The following ERBB4 variants were observed in gnomAD, a reference collection of about 807,000 sequenced individuals.
ERBB4 encodes erb-b2 receptor tyrosine kinase 4, also known as receptor tyrosine-protein kinase erbB-4.
A neutral mutation model predicts 158.0 loss-of-function variants in ERBB4; 42 were observed. That is an observed-to-expected ratio of 0.27 (90% CI 0.21 to 0.34). The LOEUF is 0.34. ERBB4 is among the 10% of genes least tolerant of loss of function. ERBB4 has a pLI of 1.00. For missense variants in ERBB4, 1,333 were observed against 1,624.1 expected, an observed-to-expected ratio of 0.82 and a Z score of 3.08; for synonymous variants, 583 against 558.7, an observed-to-expected ratio of 1.04 and a Z score of -0.61.
At chr2:212,434,567 T>C (rs1159394392) in intron 1 of ERBB4, among the ~76,000 whole-genome samples, 2 of 151,878 alleles carry the variant, frequency 1.3e-5, no homozygotes, top group African/African-American at 4.8e-5. Context: ...CGACTTGGAA[T>C]CCACAGAGTC....
intron 4 of ERBB4, among the ~76,000 whole-genome samples, chr2:211,773,627 T>TATATATATATATATA (rs2075783666): frequency 1.9e-5 from 1 of 52,302 alleles, no homozygotes. Context: ...TATATATATA[T>TATATATATATATATA]ATATATATAT....
chr2:212,296,273 C>G (rs879368941), intron 1 of ERBB4, among the ~76,000 whole-genome samples: 22 of 151,814 alleles, frequency 1.4e-4, no homozygotes, highest in Non-Finnish European at 3.1e-4. Context: ...CAGCTTTCTA[C>G]TAATTTCTAT....
chr2:211,457,582 C>T (rs977164061), intron 20 of ERBB4, among the ~76,000 whole-genome samples: 2 of 152,128 alleles, frequency 1.3e-5, no homozygotes, highest in African/African-American at 2.4e-5. Flanking sequence ...AGGGCTGAGG[C>T]CTTCACTTGA....
chr2:212,221,112 G>T (rs1040224327), intron 1 of ERBB4, among the ~76,000 whole-genome samples: 11 of 151,264 alleles, frequency 7.3e-5, no homozygotes, highest in Admixed American at 1.3e-4. Flanking sequence ...TGAAACAGGG[G>T]GTGGTTTTTG....
chr2:211,620,146 G>A (rs1028560223), intron 18 of ERBB4, among the ~76,000 whole-genome samples: 4 of 152,156 alleles, frequency 2.6e-5, no homozygotes, highest in Admixed American at 2.0e-4. Context: ...TGCACAGGTT[G>A]TACAAGAATA....
Position 211,946,806 on chromosome 2 carries a change from A to G in ERBB4, c.421+624T>C, listed in dbSNP as rs553917473. Among the ~76,000 whole-genome samples the G allele has an allele frequency of 1.1e-4, 17 of 151,984 alleles. No individual in the cohort carries two copies. In the East Asian group the frequency reaches 3.3e-3, roughly 29 times the overall value. The stretch of plus-strand genomic sequence containing the variant: ...AGTGGGATAGCAAGAACCAGCTTAC[A>G]AAATAAATTCCTATCGAGTGTTTTT... On this transcript the variant is annotated intron_variant, in intron 3 of 27. Coordinates refer to ENST00000342788, the MANE Select transcript of ERBB4 (RefSeq NM_005235.3).
chr2:212,467,117 G>C (rs112919157), intron 1 of ERBB4, among the ~76,000 whole-genome samples: 12,836 of 152,228 alleles, frequency 0.084, 601 homozygotes, highest in South Asian at 0.11. Flanking sequence ...CTTGGGTGTT[G>C]TCAAGGGCAT....
intron 20 of ERBB4, among the ~76,000 whole-genome samples, chr2:211,434,007 T>C (rs1199341297): frequency 6.6e-6 from 1 of 152,188 alleles, no homozygotes; most frequent in African/African-American, 2.4e-5. Context: ...AAGAGGATAA[T>C]ATCAAGGAAT....
At position 212,178,561 on chromosome 2, in the gene ERBB4, G is replaced by A. The variant is rs544192415; in HGVS notation, c.83-53658C>T. ...CATCCTCTTAAATACATATGTATTA[G>A]AGGTAGTACTGAAAACCCTAAACTC... On this transcript the variant is annotated intron_variant, in intron 1 of 27. Coordinates refer to ENST00000342788, the MANE Select transcript of ERBB4 (RefSeq NM_005235.3). Among the ~76,000 whole-genome samples, 4 of 151,798 alleles carry A rather than the reference G, an allele frequency of 2.6e-5. No individual in the cohort carries two copies. The Middle Eastern group carries it at 0.014, about 516-fold the overall frequency.
chr2:212,132,837 G>T (rs567865296), intron 1 of ERBB4, among the ~76,000 whole-genome samples: 1 of 152,106 alleles, frequency 6.6e-6, no homozygotes, highest in Middle Eastern at 3.4e-3. Context: ...GTATATATAT[G>T]CTATCTGTGC....
At chr2:211,877,366 A>C (rs1446439196) in intron 3 of ERBB4, among the ~76,000 whole-genome samples, 1 of 152,144 alleles carries the variant, frequency 6.6e-6, no homozygotes, top group Admixed American at 6.6e-5. Flanking sequence ...TTTACTTGAG[A>C]AAGAAATATA....
At chr2:211,943,679 T>TC (rs779513450) in intron 3 of ERBB4, among the ~76,000 whole-genome samples, 2 of 152,104 alleles carry the variant, frequency 1.3e-5, no homozygotes, top group Admixed American at 6.6e-5. Flanking sequence ...CTACTTATCA[T>TC]CTACCCTGTG....
intron 3 of ERBB4, among the ~76,000 whole-genome samples, chr2:211,856,562 T>TA (rs2077869851): frequency 1.3e-5 from 2 of 149,790 alleles, no homozygotes; most frequent in East Asian, 2.0e-4. Flanking sequence ...ATTTTTTTTT[T>TA]ATTTTCAGTA....
At chr2:212,119,573 T>C (rs2079681146) in intron 2 of ERBB4, among the ~76,000 whole-genome samples, 1 of 152,184 alleles carries the variant, frequency 6.6e-6, no homozygotes, top group South Asian at 2.1e-4. Context: ...GTGATTTTTA[T>C]GCCTCGCTGC....
chr2:211,462,981 A>G (rs571312845), intron 20 of ERBB4, among the ~76,000 whole-genome samples: 105 of 152,294 alleles, frequency 6.9e-4, no homozygotes, highest in Middle Eastern at 6.8e-3. Context: ...GTTGCTCTTT[A>G]GGAATAAACT....
chr2:212,061,500 A>G (rs2077765752), intron 2 of ERBB4, among the ~76,000 whole-genome samples: 1 of 149,682 alleles, frequency 6.7e-6, no homozygotes, highest in South Asian at 2.1e-4. Flanking sequence ...AGGAGACAAC[A>G]ATTTGTGTTT....
chr2:212,122,586 C>T (rs2079790550), intron 2 of ERBB4, among the ~76,000 whole-genome samples: 1 of 151,994 alleles, frequency 6.6e-6, no homozygotes, highest in African/African-American at 2.4e-5. Context: ...CCCTCCTTAT[C>T]TTACTTTTTC....
intron 1 of ERBB4, among the ~76,000 whole-genome samples, chr2:212,215,410 A>G (rs1277229008): frequency 6.6e-6 from 1 of 151,470 alleles, no homozygotes; most frequent in African/African-American, 2.4e-5. Context: ...TCAAATTGCC[A>G]TTTTTCATCA....
chr2:211,626,403 A>C (rs2069844175), intron 17 of ERBB4, among the ~76,000 whole-genome samples: 1 of 152,202 alleles, frequency 6.6e-6, no homozygotes, highest in African/African-American at 2.4e-5. Flanking sequence ...TATGCAAACA[A>C]TATATCAAGA....
Sources: gnomAD v4.1 joint callset for allele counts (sites outside exome capture counted in the v4.1 genomes callset) on GRCh38, gnomAD v4.1.1 for gene constraint, MANE v1.5 for transcripts, NCBI Gene and HGNC (gene_info 2026-07-23, HGNC 2026-07-21) for gene names.